Variants in NOSTRIN observed in about 807,000 individuals in gnomAD.
NOSTRIN encodes BM247 homolog.
In NOSTRIN, 63 loss-of-function variants were observed where a neutral mutation model predicts 59.0. The ratio of observed to expected loss-of-function variants is 1.07; its 90% CI spans 0.87 to 1.32. The LOEUF (loss-of-function observed/expected upper bound fraction) is 1.32, where lower values mean the gene tolerates loss of function less well. NOSTRIN is among the 40% of genes most tolerant of loss of function. The pLI is 0.00. For synonymous variants in NOSTRIN, 200 were observed against 165.4 expected, an observed-to-expected ratio of 1.21 and a Z score of -1.61; for missense variants, 512 against 473.1, an observed-to-expected ratio of 1.08 and a Z score of -0.76.
chr2:168,858,337 TC>T lies in NOSTRIN; in HGVS notation c.1054-1174del, dbSNP rs778359462. Among the ~76,000 whole-genome samples the T allele has an allele frequency of 6.3e-4, 96 of 152,342 alleles. 3 individuals carry two copies. Among genetic ancestry groups the T allele is most frequent in the Non-Finnish European group, 2.1e-4 (14 of 68,042 alleles). On this transcript the variant is annotated intron_variant, in intron 12 of 15. Transcript: ENST00000317647. ...ATCCACATGATTTCATTACGCATGC[TC>T]TGCATCTGGGTAGACAGAAACTAGT...
Position 168,865,389 on chromosome 2 carries a change from A to G in NOSTRIN, c.*419A>G, listed in dbSNP as rs1385716354. 1.3e-5 allele frequency: 2 copies of G among 158,908 alleles called. No individual in the cohort carries two copies. Among genetic ancestry groups the G allele is most frequent in the African/African-American group, 2.4e-5 (1 of 41,538 alleles). The allele number at this position is 158,908 out of a possible 1,614,324, so 9.8% of individuals were successfully genotyped here. The stretch of plus-strand genomic sequence containing the variant: ...ACACAGCAGGCCTATGAGGGGGTCA[A>G]GCAGAGCCTGGGAGATGAGGAACAC... On this transcript the variant is annotated 3_prime_UTR_variant, in exon 16 of 16. Transcript: ENST00000317647.
upstream of NOSTRIN, among the ~76,000 whole-genome samples, chr2:168,797,072 CTT>C (rs1168296049): frequency 1.2e-5 from 1 of 85,352 alleles, no homozygotes; most frequent in African/African-American, 4.0e-5. Flanking sequence ...CTTTCTTTTT[CTT>C]TTTTCTTTTT....
rs1016121197 is a variant in NOSTRIN, at chr2:168,843,045, T to C, written c.558T>C (p.Asn186=). The change falls in exon 8 of 16, where the codon AAT becomes AAC. Residue 186 remains asparagine, a synonymous_variant. Coordinates refer to ENST00000317647, the MANE Select transcript of NOSTRIN (RefSeq NM_001039724.4). ...AAAAGTTGGAAAAGGAAGATGAAAA[T>C]TACTACCAAAAAAACATGGCGGGTT... ...STEKLEKEDE[N]YYQKNMAGYS... is the part of the protein sequence containing the mutation. 1 of 872,248 alleles carries C rather than the reference T, an allele frequency of 1.1e-6. No homozygotes were observed. 54.0% of individuals were successfully genotyped at this position (872,248 alleles called of 1,614,324 possible).
chr2:168,796,919 T>G (rs1280034424), upstream of NOSTRIN, among the ~76,000 whole-genome samples: 1 of 152,186 alleles, frequency 6.6e-6, no homozygotes, highest in East Asian at 1.9e-4. Context: ...AACTTGCGAA[T>G]GAAGTCACTC....
intron 8 of NOSTRIN, among the ~76,000 whole-genome samples, chr2:168,850,459 C>A (rs1247029733): frequency 1.3e-5 from 2 of 152,184 alleles, no homozygotes; most frequent in Non-Finnish European, 2.9e-5. Context: ...AATTTGTGGC[C>A]TGTCATTCTC....
At chr2:168,844,660 G>C (rs1201192863) in intron 8 of NOSTRIN, among the ~76,000 whole-genome samples, 2 of 152,170 alleles carry the variant, frequency 1.3e-5, no homozygotes, top group Non-Finnish European at 2.9e-5. Context: ...CAAGAGGTCA[G>C]GAGATCGAGA....
rs560183362 is a variant in NOSTRIN at position 168,813,599 on chromosome 2, A to G, written c.113+1947A>G. On this transcript the variant is annotated intron_variant, in intron 2 of 15. Coordinates refer to ENST00000317647, the MANE Select transcript of NOSTRIN (RefSeq NM_001039724.4). ...TATTAATGTGTGAAACCCTCCATTC[A>G]CTTATTCTAGAGTGACAAACATATC... Among the ~76,000 whole-genome samples, 210 of 152,220 alleles carry G rather than the reference A, an allele frequency of 1.4e-3. 2 individuals are homozygous for G. Among genetic ancestry groups the G allele is most frequent in the Non-Finnish European group, 2.0e-3 (137 of 68,012 alleles).
intron 1 of NOSTRIN, among the ~76,000 whole-genome samples, chr2:168,810,472 A>G (rs1686073345): frequency 6.6e-6 from 1 of 152,114 alleles, no homozygotes; most frequent in South Asian, 2.1e-4. Context: ...TGCTTTGTTG[A>G]CTGAATGGCT....
upstream of NOSTRIN, among the ~76,000 whole-genome samples, chr2:168,799,362 C>A (rs767541197): frequency 3.3e-5 from 5 of 152,194 alleles, no homozygotes. Context: ...AGATTCTTTG[C>A]TCCTCTTACT....
intron 13 of NOSTRIN, 128 bp from the exon 14 acceptor site, chr2:168,860,667 T>A: frequency 1.8e-6 from 1 of 568,986 alleles, no homozygotes; most frequent in East Asian, 3.1e-5. Context: ...CAAGACTCTG[T>A]CTAAAAAAAA....
intron 2 of NOSTRIN, among the ~76,000 whole-genome samples, chr2:168,790,166 A>G (rs1389154405): frequency 6.6e-6 from 1 of 152,252 alleles, no homozygotes; most frequent in Non-Finnish European, 1.5e-5. Context: ...CATGGAAAAT[A>G]TGATTGATTG....
intron 2 of NOSTRIN, among the ~76,000 whole-genome samples, chr2:168,813,248 T>G (rs967024070): frequency 6.6e-6 from 1 of 152,208 alleles, no homozygotes; most frequent in Non-Finnish European, 1.5e-5. Context: ...AATCTATGCA[T>G]GTATCAGCCA....
chr2:168,862,145 T>C (rs950112764), intron 15 of NOSTRIN, 96 bp downstream of exon 15: 1 of 1,065,500 alleles, frequency 9.4e-7, no homozygotes, highest in Non-Finnish European at 1.4e-6. Context: ...TAAGAGTTAC[T>C]ACCATGTCAA....
intron 13 of NOSTRIN, among the ~76,000 whole-genome samples, chr2:168,859,959 G>A (rs925282868): frequency 5.3e-5 from 8 of 152,026 alleles, no homozygotes; most frequent in South Asian, 4.1e-4. Flanking sequence ...TTTAATATTC[G>A]TTCAGACCTA....
In NOSTRIN at chr2:168,788,704, C is replaced by T. The variant is rs145776458; in HGVS notation, c.-473+656C>T. Among the ~76,000 whole-genome samples the T allele has an allele frequency of 8.6e-3, 1,310 of 152,232 alleles. 21 individuals carry two copies. Among genetic ancestry groups the T allele is most frequent in the African/African-American group, 0.03 (1,233 of 41,546 alleles). ...TATTAACAATAAGGGGAGCCAGTTTCTCACTGCTGGAAAAGGGAGGTGTAA... is the reference window on the plus strand; with the variant it reads ...TATTAACAATAAGGGGAGCCAGTTTTTCACTGCTGGAAAAGGGAGGTGTAA... On this transcript the variant is annotated intron_variant, in intron 2 of 20. Transcript: ENST00000458381.
chr2:168,828,225 G>A lies in NOSTRIN; in HGVS notation c.260+5G>A, dbSNP rs907403699. 2.3e-6 allele frequency: 2 copies of A among 872,832 alleles called. No homozygotes were observed. Among genetic ancestry groups the A allele is most frequent in the Non-Finnish European group, 4.0e-6 (2 of 501,680 alleles). 54.1% of individuals were successfully genotyped at this position (872,832 alleles called of 1,614,324 possible). On this transcript the variant is annotated splice_donor_5th_base_variant and intron_variant, in intron 4 of 15. Transcript: ENST00000317647. ...ATCCACAGCGGACCTGCATCAGTGA[G>A]TTCTCCCACCCTGGCCTTTCTCCAA...
At chr2:168,843,884 T>A (rs1482807413) in intron 8 of NOSTRIN, among the ~76,000 whole-genome samples, 1 of 152,238 alleles carries the variant, frequency 6.6e-6, no homozygotes, top group Non-Finnish European at 1.5e-5. Flanking sequence ...CCAAGAGTGA[T>A]GCACAAGAAT....
chr2:168,799,646 A>G (rs1356496006), upstream of NOSTRIN, among the ~76,000 whole-genome samples: 1 of 152,122 alleles, frequency 6.6e-6, no homozygotes, highest in African/African-American at 2.4e-5. Context: ...AGAGGAGAGA[A>G]CAGCCCTTAT....
chr2:168,841,235 C>CAAAAAAAAAAAAAAAAA (rs57480764), intron 7 of NOSTRIN, among the ~76,000 whole-genome samples: 17 of 106,582 alleles, frequency 1.6e-4, no homozygotes, highest in African/African-American at 3.5e-4. Context: ...ACCCTGTCTC[C>CAAAAAAAAAAAAAAAAA]AAAAAAAAAA....
Sources: allele counts gnomAD v4.1 joint callset (sites outside exome capture counted in the v4.1 genomes callset), GRCh38; gene constraint gnomAD v4.1.1; transcripts MANE v1.5; gene names NCBI Gene and HGNC (gene_info 2026-07-23, HGNC 2026-07-21).